Variants in PACRG observed in about 807,000 individuals in gnomAD.
PACRG encodes the protein parkin coregulated.
Under a neutral mutation model 29.7 loss-of-function variants are expected in PACRG, and 29 were observed. That is an observed-to-expected ratio of 0.98 (90% CI 0.73 to 1.33). The LOEUF (loss-of-function observed/expected upper bound fraction) is 1.33, where lower values mean the gene tolerates loss of function less well. Among genes scored for constraint, PACRG ranks in the 40% most tolerant of loss-of-function variants. The pLI is 0.00. For missense variants in PACRG, 279 were observed against 316.2 expected, an observed-to-expected ratio of 0.88 and a Z score of 0.89; for synonymous variants, 116 against 118.7, an observed-to-expected ratio of 0.98 and a Z score of 0.15.
At chr6:163,157,489 C>T (rs1778373478) in intron 4 of PACRG, among the ~76,000 whole-genome samples, 2 of 152,246 alleles carry the variant, frequency 1.3e-5, no homozygotes, top group Admixed American at 6.5e-5. Context: ...TCCCTGTGAA[C>T]AGGAAACTTG....
chr6:163,157,049 C>A (rs1778352167), intron 4 of PACRG, among the ~76,000 whole-genome samples: 1 of 152,196 alleles, frequency 6.6e-6, no homozygotes, highest in Non-Finnish European at 1.5e-5. Context: ...AGGTTACGTT[C>A]ATCTTGGCGG....
chr6:162,748,554 C>T (rs1223398053), intron 1 of PACRG, among the ~76,000 whole-genome samples: 3 of 152,074 alleles, frequency 2.0e-5, no homozygotes, highest in Non-Finnish European at 4.4e-5. Flanking sequence ...GTGGAAAATC[C>T]ATATCATCAA....
chr6:162,794,537 A>AT lies in PACRG; in HGVS notation c.157-19603dup, dbSNP rs200868409. Among the ~76,000 whole-genome samples, 1,063 of 152,152 alleles carry AT rather than the reference A, an allele frequency of 7.0e-3. 26 individuals carry two copies. Among genetic ancestry groups the AT allele is most frequent in the Admixed American group, 0.035 (538 of 15,264 alleles). ...CGTTGTCTATCCCAAAATAATAAAG[A>AT]TTTTTTTCTGCATTTTTGTTAATTT... On this transcript the variant is annotated intron_variant, in intron 1 of 4. Coordinates refer to ENST00000366888, the MANE Select transcript of PACRG (RefSeq NM_001080379.2).
intron 4 of PACRG, among the ~76,000 whole-genome samples, chr6:163,228,537 T>C (rs1401354084): frequency 6.6e-6 from 1 of 152,146 alleles, no homozygotes; most frequent in Non-Finnish European, 1.5e-5. Context: ...AGTGCACGGG[T>C]GCACGGCCAT....
chr6:163,137,792 G>A (rs532767412), intron 4 of PACRG, among the ~76,000 whole-genome samples: 18 of 152,378 alleles, frequency 1.2e-4, no homozygotes, highest in African/African-American at 4.3e-4. Context: ...ATACTCCGTC[G>A]GGGAATGGCA....
intron 2 of PACRG, among the ~76,000 whole-genome samples, chr6:162,965,872 A>T (rs543850857): frequency 6.6e-6 from 1 of 152,340 alleles, no homozygotes; most frequent in East Asian, 1.9e-4. Flanking sequence ...AAAGCAGCTG[A>T]TGAGAATAAG....
intron 1 of PACRG, among the ~76,000 whole-genome samples, chr6:162,752,883 T>G (rs1781616812): frequency 6.6e-6 from 1 of 152,210 alleles, no homozygotes; most frequent in Non-Finnish European, 1.5e-5. Context: ...CCTCCTGGCT[T>G]GGGTTCTTCA....
chr6:163,123,376 C>T (rs1175698840), intron 4 of PACRG, among the ~76,000 whole-genome samples: 2 of 152,242 alleles, frequency 1.3e-5, no homozygotes, highest in African/African-American at 4.8e-5. Context: ...CTGGCATTTA[C>T]ATATCAATGT....
At chr6:163,264,989 G>A (rs1783473568) in intron 4 of PACRG, among the ~76,000 whole-genome samples, 1 of 152,194 alleles carries the variant, frequency 6.6e-6, no homozygotes, top group South Asian at 2.1e-4. Context: ...TAATTCTATG[G>A]TGATAGATCC....
intron 1 of PACRG, among the ~76,000 whole-genome samples, chr6:162,807,517 G>T (rs1159212108): frequency 6.6e-6 from 1 of 152,116 alleles, no homozygotes; most frequent in African/African-American, 2.4e-5. Flanking sequence ...AAATAGGGAG[G>T]CCTGAGGAAG....
chr6:162,983,400 A>G (rs542215634), intron 2 of PACRG, among the ~76,000 whole-genome samples: 3 of 151,936 alleles, frequency 2.0e-5, no homozygotes, highest in Non-Finnish European at 1.5e-5. Context: ...AGTGTTTTAT[A>G]GGCCCTGTGA....
chr6:163,022,585 G>C (rs186551659), intron 2 of PACRG, among the ~76,000 whole-genome samples: 1 of 152,198 alleles, frequency 6.6e-6, no homozygotes, highest in African/African-American at 2.4e-5. Context: ...AGGAAACACC[G>C]AAATCCATCT....
intron 2 of PACRG, among the ~76,000 whole-genome samples, chr6:163,011,463 C>T (rs1381417339): frequency 6.6e-6 from 1 of 152,252 alleles, no homozygotes; most frequent in Non-Finnish European, 1.5e-5. Context: ...AATGGTACAC[C>T]TATATAGGGC....
intron 1 of PACRG, among the ~76,000 whole-genome samples, chr6:162,792,856 A>C (rs1399096627): frequency 6.6e-6 from 1 of 152,060 alleles, no homozygotes; most frequent in South Asian, 2.1e-4. Context: ...AGAAAAGGAG[A>C]TGTGTAGAGC....
chr6:163,022,526 G>A lies in PACRG; in HGVS notation c.292-39624G>A, dbSNP rs148241671. 1.1e-3 allele frequency among the ~76,000 whole-genome samples: 168 copies of A among 152,314 alleles called. 2 individuals carry two copies. The East Asian group carries it at 0.026, about 23-fold the overall frequency. On this transcript the variant is annotated intron_variant, in intron 2 of 4. Coordinates refer to ENST00000366888, the MANE Select transcript of PACRG (RefSeq NM_001080379.2). ...GTGGTTCGTGAGGAACTGGAGTTCT[G>A]ACGAGGAGCAGCTTCGAGGCATTTG...
In PACRG at chr6:163,062,326, G is replaced by C. The variant is rs1811164116; in HGVS notation, c.463+5G>C. On this transcript the variant is annotated splice_donor_5th_base_variant and intron_variant, in intron 3 of 4. Coordinates refer to ENST00000366888, the MANE Select transcript of PACRG (RefSeq NM_001080379.2). ...AGCTCATTATCCCGATAAAAAGTAA[G>C]TGAACCGGTGAAAAAGCATCACTCA... is the stretch of plus-strand genomic sequence containing the variant. 1.2e-6 allele frequency: 2 copies of C among 1,605,402 alleles called. No individual in the cohort carries two copies. The highest frequency in any genetic ancestry group is 1.7e-6 in the Non-Finnish European group (2 of 1,176,816).
At chr6:163,301,613 G>A (rs1470006777) in intron 4 of PACRG, among the ~76,000 whole-genome samples, 1 of 152,132 alleles carries the variant, frequency 6.6e-6, no homozygotes, top group Non-Finnish European at 1.5e-5. Flanking sequence ...CCTTTGTGAG[G>A]TTGTAGAGTA....
chr6:163,062,387 T>C (rs1394131020), intron 3 of PACRG, 66 bp downstream of exon 3: 1 of 1,486,224 alleles, frequency 6.7e-7, no homozygotes, highest in Non-Finnish European at 9.0e-7. Flanking sequence ...ACTTGCTAAT[T>C]AAGCAATAAA....
intron 4 of PACRG, among the ~76,000 whole-genome samples, chr6:163,301,187 G>A (rs182884800): frequency 6.6e-6 from 1 of 152,300 alleles, no homozygotes; most frequent in African/African-American, 2.4e-5. Flanking sequence ...AGCAGTCTAG[G>A]GAATGGGCCA....
Sources: gnomAD v4.1 joint callset for allele counts (sites outside exome capture counted in the v4.1 genomes callset) on GRCh38, gnomAD v4.1.1 for gene constraint, MANE v1.5 for transcripts, NCBI Gene and HGNC (gene_info 2026-07-23, HGNC 2026-07-21) for gene names.